Variants in MAPKBP1 observed in about 807,000 individuals in gnomAD.
MAPKBP1 encodes the protein mitogen-activated protein kinase binding protein 1, also known as mitogen-activated protein kinase-binding protein 1.
In MAPKBP1, 71 loss-of-function variants were observed where a neutral mutation model predicts 170.5. That is an observed-to-expected ratio of 0.42 (90% CI 0.34 to 0.51). The LOEUF (loss-of-function observed/expected upper bound fraction) is 0.51, where lower values mean the gene tolerates loss of function less well. MAPKBP1 is among the 20% of genes least tolerant of loss of function. The pLI, the probability that MAPKBP1 is intolerant of heterozygous loss-of-function variation, is 0.06. For synonymous variants in MAPKBP1, 719 were observed against 757.9 expected, an observed-to-expected ratio of 0.95 and a Z score of 0.84; for missense variants, 1,598 against 1,933.0, an observed-to-expected ratio of 0.83 and a Z score of 3.25.
chr15:41,807,526 C>A (rs1450028194), intron 3 of MAPKBP1, among the ~76,000 whole-genome samples: 1 of 152,142 alleles, frequency 6.6e-6, no homozygotes, highest in Non-Finnish European at 1.5e-5. Flanking sequence ...TACTGTGGTT[C>A]CTGTGTAACT....
chr15:41,791,554 C>G (rs948081197), intron 2 of MAPKBP1, among the ~76,000 whole-genome samples: 1 of 152,230 alleles, frequency 6.6e-6, no homozygotes, highest in Non-Finnish European at 1.5e-5. Flanking sequence ...CTGATCAGAT[C>G]CAGGGACTTG....
chr15:41,809,074 A>AAC (rs2064756864), intron 3 of MAPKBP1, among the ~76,000 whole-genome samples: 1 of 13,096 alleles, frequency 7.6e-5, no homozygotes, highest in Non-Finnish European at 1.6e-4. Context: ...ACCCTGCCTC[A>AAC]AAAAAAAAAA....
chr15:41,781,207 C>T (rs1440016579), intron 2 of MAPKBP1, among the ~76,000 whole-genome samples: 1 of 151,946 alleles, frequency 6.6e-6, no homozygotes, highest in Non-Finnish European at 1.5e-5. Context: ...TCCCGAGTAG[C>T]TGGGATTACA....
Position 41,823,925 on chromosome 15 carries a change from C to T in MAPKBP1, c.4077C>T (p.Pro1359=), listed in dbSNP as rs1345272671. ...CAGAGTGCCAGGCTCATCCTGGGCC[C>T]AGCAGCCCCTGTGCCCAGCAACTGC... ...PRTECQAHPG[P]SSPCAQQLPV... The change falls in exon 29 of 31, where the codon CCC becomes CCT. Residue 1359 remains proline, a synonymous_variant. Coordinates refer to ENST00000457542, the MANE Select transcript of MAPKBP1 (RefSeq NM_014994.3). The T allele has an allele frequency of 1.9e-6, 3 of 1,614,114 alleles. No individual in the cohort carries two copies.
At chr15:41,821,212 G>A (rs566006505) in intron 23 of MAPKBP1, 144 bp downstream of exon 23, 3 of 783,606 alleles carry the variant, frequency 3.8e-6, no homozygotes, top group Non-Finnish European at 4.2e-6. Context: ...AAGCCAGGAT[G>A]GGGGTGGCTG....
In MAPKBP1 at chr15:41,808,105, C is replaced by CTT. The variant is rs544983500; in HGVS notation, c.207-2761_207-2760dup. Among the ~76,000 whole-genome samples the CTT allele has an allele frequency of 5.2e-3, 564 of 109,422 alleles. 23 individuals are homozygous for CTT. Among genetic ancestry groups the CTT allele is most frequent in the East Asian group, 0.038 (126 of 3,274 alleles). The allele number at this position is 109,422 out of a possible 152,430, so 71.8% of individuals were successfully genotyped here. On this transcript the variant is annotated intron_variant, in intron 3 of 30. Coordinates refer to ENST00000457542, the MANE Select transcript of MAPKBP1 (RefSeq NM_014994.3). ...CTCTTATAATTTTCTTTCTTTCTTT[C>CTT]TTTTTTTTTTTTTTTTTTGTAGACC...
rs1350161935 is a variant in MAPKBP1, at chr15:41,817,991, A to G, written c.1905-18A>G. On this transcript the variant is annotated intron_variant, in intron 16 of 30. Transcript: ENST00000457542. The surrounding 1 kb of genome is among the most constrained non-coding windows in gnomAD (Gnocchi z 4.2). ...CCTTCACCGCCTCCTCATGAGAAAG[A>G]GACTATGTTTCTTACAGGATATTTA... is the stretch of plus-strand genomic sequence containing the variant. The G allele has an allele frequency of 1.2e-6, 2 of 1,613,230 alleles. No homozygotes were observed. Among genetic ancestry groups the G allele is most frequent in the Non-Finnish European group, 1.7e-6 (2 of 1,179,316 alleles).
At chr15:41,812,157 C>A in intron 6 of MAPKBP1, 30 bp downstream of exon 6, 1 of 1,612,710 alleles carries the variant, frequency 6.2e-7, no homozygotes, top group Non-Finnish European at 8.5e-7. Context: ...GGCCTGGCAG[C>A]CTCACAGGGG....
In MAPKBP1 at chr15:41,818,009, G is replaced by C; in HGVS notation, c.1905G>C (p.Arg635=). The part of the protein sequence containing the change: ...TAIGCQDRNI[R]IFNISSGKQK... ...GAGAAAGAGACTATGTTTCTTACAGGATATTTAACATCAGCAGTGGAAAGC... is the reference window on the plus strand; with the variant it reads ...GAGAAAGAGACTATGTTTCTTACAGCATATTTAACATCAGCAGTGGAAAGC... Residue 635 remains arginine (R), a splice_region_variant and synonymous_variant, in exon 17 of 31, where the codon CGG becomes CGC. Coordinates refer to ENST00000457542, the MANE Select transcript of MAPKBP1 (RefSeq NM_014994.3). The surrounding 1 kb of genome is among the most constrained non-coding windows in gnomAD (Gnocchi z 5.2). 2 of 1,614,028 alleles carry C rather than the reference G, an allele frequency of 1.2e-6. No homozygotes were observed. Among genetic ancestry groups the C allele is most frequent in the Non-Finnish European group, 8.5e-7 (1 of 1,179,924 alleles).
chr15:41,819,557 G>GGGGGGGGGGCGGCGGCGCCC, intron 21 of MAPKBP1, 38 bp from the exon 22 acceptor site: 1 of 1,384,690 alleles, frequency 7.2e-7, no homozygotes, highest in Non-Finnish European at 1.0e-6. Flanking sequence ...CGGGGGGGGG[G>GGGGGGGGGGCGGCGGCGCCC]CAGGAGACAC....
rs1567158991 is a variant in MAPKBP1, at chr15:41,825,376, G to A, written c.4467G>A (p.Leu1489=). 6.2e-7 allele frequency: 1 copy of A among 1,613,548 alleles called. No individual in the cohort carries two copies. The highest frequency in any genetic ancestry group is 8.5e-7 in the Non-Finnish European group (1 of 1,179,992). ...AVGAEQTQAL[L]EQYSELLLRA... Reference sequence around the variant, plus strand: ...GAGCCGAGCAGACACAGGCCCTGCTGGAGCAATACTCAGAACTGTTGCTTC... The same window carrying A: ...GAGCCGAGCAGACACAGGCCCTGCTAGAGCAATACTCAGAACTGTTGCTTC... The change falls in exon 31 of 31, where the codon CTG becomes CTA. Residue 1489 remains leucine, a synonymous_variant. Transcript: ENST00000457542.
In MAPKBP1 at chr15:41,787,044, G is replaced by A. The variant is rs77349385; in HGVS notation, c.114+11655G>A. On this transcript the variant is annotated intron_variant, in intron 2 of 30. Coordinates refer to ENST00000457542, the MANE Select transcript of MAPKBP1 (RefSeq NM_014994.3). The stretch of plus-strand genomic sequence containing the variant: ...CTCCCGAGTAGCTGGGATTACAGGC[G>A]TAATCCTGACCTCAGGTGATCCATC... 8.1e-5 allele frequency among the ~76,000 whole-genome samples: 12 copies of A among 147,818 alleles called. No homozygotes were observed. The East Asian group carries it at 1.0e-3, about 13-fold the overall frequency.
At position 41,823,121 on chromosome 15, in the gene MAPKBP1, G is replaced by A. The variant is rs562905940; in HGVS notation, c.3497G>A (p.Arg1166His). 1.0e-4 allele frequency: 168 copies of A among 1,613,680 alleles called. No homozygotes were observed. The highest frequency in any genetic ancestry group is 1.3e-4 in the Non-Finnish European group (153 of 1,180,016). The part of the protein sequence containing the change: ...QAASVLLPRC[R>H]LNPDSSWAPK... ...GCCTCTGTGCTGTTGCCACGATGCC[G>A]TCTCAACCCTGACAGCAGCTGGGCT... The change falls in exon 28 of 31, where the codon CGT becomes CAT. Residue 1166 changes from arginine (R) to histidine (H), a missense_variant. By Grantham distance (29) the Arg-to-His change is conservative. Around this residue, in one of 6 missense-constraint regions of MAPKBP1, gnomAD observed 942 missense variants for 953.2 expected, o/e 0.99. Coordinates refer to ENST00000457542, the MANE Select transcript of MAPKBP1 (RefSeq NM_014994.3).
rs1358030748 is a variant in MAPKBP1, at chr15:41,817,476, T to C, written c.1782+18T>C. 7.7e-7 allele frequency: 1 copy of C among 1,306,854 alleles called. No homozygotes were observed. Among genetic ancestry groups the C allele is most frequent in the Non-Finnish European group, 1.1e-6 (1 of 925,602 alleles). 81.0% of individuals were successfully genotyped at this position (1,306,854 alleles called of 1,614,324 possible). ...CGCAGAAGGTGAGGGCGCTGGGCTT[T>C]CCTGAGAGGGGCGGGACAGGGCGGG... On this transcript the variant is annotated intron_variant, in intron 15 of 30. Transcript: ENST00000457542. The surrounding 1 kb of genome is among the most constrained non-coding windows in gnomAD (Gnocchi z 4.2).
At chr15:41,819,110 C>T (rs2064942086) in intron 20 of MAPKBP1, 136 bp from the exon 21 acceptor site, 4 of 1,438,206 alleles carry the variant, frequency 2.8e-6, no homozygotes, top group Non-Finnish European at 3.8e-6. Flanking sequence ...CAGCCTCTTC[C>T]CCCTGTTGAG....
chr15:41,784,877 G>T lies in MAPKBP1; in HGVS notation c.114+9488G>T, dbSNP rs141220540. 1.4e-3 allele frequency among the ~76,000 whole-genome samples: 205 copies of T among 146,028 alleles called. 3 individuals carry two copies. The East Asian group carries it at 0.03, about 22-fold the overall frequency. On this transcript the variant is annotated intron_variant, in intron 2 of 30. Transcript: ENST00000457542. ...AGTTCAAGACCAGCCTGGGCAACAT[G>T]GCGAAACCCTATCTGTAAAAAAAAA...
intron 2 of MAPKBP1, among the ~76,000 whole-genome samples, chr15:41,799,304 C>G (rs1158676461): frequency 6.6e-6 from 1 of 152,004 alleles, no homozygotes; most frequent in Non-Finnish European, 1.5e-5. Context: ...GAGGTGGAGC[C>G]CTCTGACAGA....
At chr15:41,812,724 C>T in intron 7 of MAPKBP1, 71 bp downstream of exon 7, 4 of 1,520,602 alleles carry the variant, frequency 2.6e-6, no homozygotes, top group Non-Finnish European at 3.5e-6. Context: ...CCAGGAGACT[C>T]TGCCCCACTT....
Position 41,814,621 on chromosome 15 carries a change from A to C in MAPKBP1, c.1052A>C (p.Gln351Pro), listed in dbSNP as rs1177451726. Residue 351 changes from glutamine (Q) to proline (P), a missense_variant, in exon 10 of 31, where the codon CAG (glutamine) becomes CCG (proline). By Grantham distance (76) the Gln-to-Pro change is moderately conservative. This residue lies in a region of MAPKBP1 where 430 missense variants were observed against 617.2 expected (regional missense o/e 0.70). Transcript: ENST00000457542. ...TIALTFDPTNQWLSCVYNDHS... is the reference protein window; with the variant it reads ...TIALTFDPTNPWLSCVYNDHS... ...GCCTTGACCTTTGATCCTACTAATC[A>C]GTGGCTGTCTTGTGTGTACAACGAT... 1 of 1,614,138 alleles carries C rather than the reference A, an allele frequency of 6.2e-7. No homozygotes were observed. Among genetic ancestry groups the C allele is most frequent in the Non-Finnish European group, 8.5e-7 (1 of 1,180,034 alleles).
Sources: allele counts gnomAD v4.1 joint callset (sites outside exome capture counted in the v4.1 genomes callset), GRCh38; gene constraint gnomAD v4.1.1; regional missense constraint gnomAD v4.1.1; non-coding constraint Gnocchi (gnomAD v3.1); transcripts MANE v1.5; gene names NCBI Gene and HGNC (gene_info 2026-07-23, HGNC 2026-07-21).